Variants in FHOD3 observed in about 807,000 individuals in gnomAD.
FHOD3 encodes the protein formin homology 2 domain containing 3.
Under a neutral mutation model 173.0 loss-of-function variants are expected in FHOD3, and 90 were observed. The observed-to-expected ratio is 0.52, with a 90% CI of 0.44 to 0.62. FHOD3 has a LOEUF of 0.62. Ranked by LOEUF, FHOD3 falls within the 20% of genes least tolerant of loss-of-function variation. The probability of loss-of-function intolerance (pLI) is 0.00; values close to 1 mark genes in which losing one functional copy is unlikely to be tolerated. For missense variants in FHOD3, 1,945 were observed against 2,034.7 expected (o/e 0.96, Z 0.85); for synonymous variants, 828 against 823.0 (o/e 1.01, Z -0.10).
At chr18:36,326,094 T>A (rs996438782) in intron 1 of FHOD3, among the ~76,000 whole-genome samples, 23 of 152,210 alleles carry the variant, frequency 1.5e-4, no homozygotes, top group Admixed American at 1.5e-3. Flanking sequence ...TTTGTGAGCA[T>A]GGTGGTCAAG....
At chr18:36,774,814 C>T (rs1414612565) in intron 28 of FHOD3, among the ~76,000 whole-genome samples, 2 of 152,164 alleles carry the variant, frequency 1.3e-5, no homozygotes, top group African/African-American at 2.4e-5. Flanking sequence ...TATTTTTGCT[C>T]TACGATCCTA....
rs190575321 is a variant in FHOD3 at position 36,499,489 on chromosome 18, G to A, written c.338-2443G>A. ...GGATAAATCTGGTCCACTTCTTTGG[G>A]GGTATACATGGCCCATGCTTTCACT... On this transcript the variant is annotated intron_variant, in intron 3 of 28. Coordinates refer to ENST00000590592, the MANE Select transcript of FHOD3 (RefSeq NM_001281740.3). Among the ~76,000 whole-genome samples the A allele has an allele frequency of 3.0e-3, 459 of 152,252 alleles. 4 individuals carry two copies. Among genetic ancestry groups the A allele is most frequent in the Non-Finnish European group, 5.1e-3 (350 of 68,018 alleles).
chr18:36,536,572 T>G (rs1290743121), intron 5 of FHOD3, among the ~76,000 whole-genome samples: 1 of 152,242 alleles, frequency 6.6e-6, no homozygotes, highest in Admixed American at 6.5e-5. Flanking sequence ...TCTGCACATG[T>G]GCACATGCCC....
intron 25 of FHOD3, 80 bp downstream of exon 25, chr18:36,755,391 G>A (rs184376390): frequency 6.8e-6 from 3 of 438,842 alleles, no homozygotes; most frequent in Non-Finnish European, 9.6e-6. Context: ...ACAGTTAAAA[G>A]CTGTGCTTTT....
In FHOD3 at chr18:36,437,409, G is replaced by A. The variant is rs375051470; in HGVS notation, c.338-64523G>A. Among the ~76,000 whole-genome samples the A allele has an allele frequency of 9.2e-5, 14 of 152,140 alleles. No individual in the cohort carries two copies. The East Asian group carries it at 2.3e-3, about 25-fold the overall frequency. On this transcript the variant is annotated intron_variant, in intron 3 of 28. Coordinates refer to ENST00000590592, the MANE Select transcript of FHOD3 (RefSeq NM_001281740.3). ...TATCGATTGGCCTATGCTTGCTTTT[G>A]TTATGTTTGTATTGTCTAATTCTTT...
chr18:36,352,305 T>C (rs7232666), intron 1 of FHOD3, among the ~76,000 whole-genome samples: 24,078 of 152,142 alleles, frequency 0.16, 2,156 homozygotes, highest in South Asian at 0.34. Flanking sequence ...ATAAGAATTA[T>C]AGAAACTCAC....
chr18:36,339,989 A>G (rs961264523), intron 1 of FHOD3, among the ~76,000 whole-genome samples: 5 of 152,164 alleles, frequency 3.3e-5, no homozygotes, highest in Non-Finnish European at 7.4e-5. Context: ...TAATGAAATA[A>G]TGCACCCCTT....
chr18:36,385,411 T>C (rs1042975164), intron 3 of FHOD3, among the ~76,000 whole-genome samples: 1 of 152,158 alleles, frequency 6.6e-6, no homozygotes, highest in African/African-American at 2.4e-5. Context: ...TTTTGTTTTT[T>C]CTTGAGACAG....
intron 4 of FHOD3, among the ~76,000 whole-genome samples, chr18:36,507,239 A>G (rs181361696): frequency 1.3e-5 from 2 of 152,348 alleles, no homozygotes; most frequent in East Asian, 3.9e-4. Flanking sequence ...AGATAGTGAC[A>G]CCTTTGCTTT....
intron 3 of FHOD3, among the ~76,000 whole-genome samples, chr18:36,376,552 CAG>C (rs979834200): frequency 4.6e-5 from 7 of 152,122 alleles, no homozygotes; most frequent in African/African-American, 1.7e-4. Flanking sequence ...TTGTGAGGGA[CAG>C]AGATGAGTCA....
At chr18:36,661,905 A>G (rs1408657065) in intron 14 of FHOD3, among the ~76,000 whole-genome samples, 1 of 152,254 alleles carries the variant, frequency 6.6e-6, no homozygotes, top group Non-Finnish European at 1.5e-5. Flanking sequence ...AAACAAAACG[A>G]GAAAACCAGA....
chr18:36,323,085 C>T (rs1267681678), intron 1 of FHOD3, among the ~76,000 whole-genome samples: 1 of 152,152 alleles, frequency 6.6e-6, no homozygotes, highest in Non-Finnish European at 1.5e-5. Context: ...GATGATCATG[C>T]CTGCCTGAGA....
chr18:36,391,794 C>T (rs937841901), intron 3 of FHOD3, among the ~76,000 whole-genome samples: 3 of 152,046 alleles, frequency 2.0e-5, no homozygotes, highest in Non-Finnish European at 4.4e-5. Context: ...CTCCAGCTTT[C>T]GTTCTGCTGG....
At chr18:36,704,416 G>T (rs1262985013) in intron 17 of FHOD3, among the ~76,000 whole-genome samples, 2 of 152,188 alleles carry the variant, frequency 1.3e-5, no homozygotes, top group African/African-American at 2.4e-5. Flanking sequence ...CTAGGAGAAG[G>T]GTTGCCTGGG....
At chr18:36,713,842 C>T (rs924938130) in intron 18 of FHOD3, among the ~76,000 whole-genome samples, 1 of 151,926 alleles carries the variant, frequency 6.6e-6, no homozygotes, top group South Asian at 2.1e-4. Flanking sequence ...AAAGGAGAAA[C>T]AGGAACTAAA....
At chr18:36,717,043 A>G (rs2149757318) in intron 18 of FHOD3, among the ~76,000 whole-genome samples, 1 of 152,026 alleles carries the variant, frequency 6.6e-6, no homozygotes, top group East Asian at 1.9e-4. Flanking sequence ...CTAATGCACA[A>G]GTGGGCAGTC....
At chr18:36,635,144 C>T (rs2034794027) in intron 10 of FHOD3, among the ~76,000 whole-genome samples, 3 of 152,058 alleles carry the variant, frequency 2.0e-5, no homozygotes, top group African/African-American at 4.8e-5. Context: ...GGAGAGTGGG[C>T]TTGGAAATGG....
At chr18:36,682,549 G>C (rs2038319615) in intron 15 of FHOD3, among the ~76,000 whole-genome samples, 1 of 152,106 alleles carries the variant, frequency 6.6e-6, no homozygotes, top group African/African-American at 2.4e-5. Context: ...CATTGTTAAT[G>C]AGGATTTACA....
intron 3 of FHOD3, among the ~76,000 whole-genome samples, chr18:36,469,106 C>G (rs1285592931): frequency 6.6e-6 from 1 of 152,128 alleles, no homozygotes; most frequent in Non-Finnish European, 1.5e-5. Flanking sequence ...AGAACTGTGA[C>G]CACTGTGATG....
Sources: allele counts gnomAD v4.1 joint callset (sites outside exome capture counted in the v4.1 genomes callset), GRCh38; gene constraint gnomAD v4.1.1; transcripts MANE v1.5; gene names NCBI Gene and HGNC (gene_info 2026-07-23, HGNC 2026-07-21).